GCC2: variants seen among roughly 807,000 people sequenced by gnomAD.
The protein encoded by GCC2 is GRIP and coiled-coil domain-containing protein 2.
GCC2 carries 120 observed loss-of-function variants against 210.6 expected under a neutral mutation model. That is an observed-to-expected ratio of 0.57 (90% CI 0.49 to 0.66). The LOEUF (loss-of-function observed/expected upper bound fraction) is 0.66, where lower values mean the gene tolerates loss of function less well. Ranked by LOEUF, GCC2 falls within the 30% of genes least tolerant of loss-of-function variation. The pLI is 0.00. For synonymous variants in GCC2, 703 were observed against 652.7 expected, an observed-to-expected ratio of 1.08 and a Z score of -1.17; for missense variants, 1,868 against 1,871.9, an observed-to-expected ratio of 1.00 and a Z score of 0.04.
chr2:108,469,489 C>A (rs1043299488), intron 5 of GCC2, 162 bp from the exon 6 acceptor site: 2 of 551,288 alleles, frequency 3.6e-6, no homozygotes, highest in Admixed American at 7.2e-5. Flanking sequence ...AGATAGGCAG[C>A]ACCTAAGGAG....
intron 4 of GCC2, among the ~76,000 whole-genome samples, chr2:108,459,045 G>A (rs567806582): frequency 5.9e-5 from 9 of 152,142 alleles, no homozygotes; most frequent in Admixed American, 2.0e-4. Context: ...GGATGTAGGC[G>A]TTTATTGCCA....
At chr2:108,497,239 C>G in intron 21 of GCC2, 130 bp downstream of exon 21, 1 of 1,484,016 alleles carries the variant, frequency 6.7e-7, no homozygotes, top group South Asian at 1.2e-5. Context: ...GCCTCAGCCT[C>G]CCGAGTAGCT....
At position 108,470,276 on chromosome 2, in the gene GCC2, G is replaced by A. The variant is rs535556399; in HGVS notation, c.947G>A (p.Cys316Tyr). ...TSNANQDNQI[C>Y]SILLQENTFV... is the part of the protein sequence containing the mutation. Reference sequence around the variant, plus strand: ...AATGCAAACCAAGACAATCAGATATGTTCTATTCTCTTGCAAGAAAATACA... The same window carrying A: ...AATGCAAACCAAGACAATCAGATATATTCTATTCTCTTGCAAGAAAATACA... The change falls in exon 6 of 23, where the codon TGT becomes TAT. Residue 316 changes from cysteine (C) to tyrosine (Y), a missense_variant. Physicochemically the swap from Cys to Tyr is radical, Grantham distance 194 (BLOSUM62 -2). Transcript: ENST00000309863. 5 of 1,613,406 alleles carry A rather than the reference G, an allele frequency of 3.1e-6. No homozygotes were observed. The Admixed American group carries it at 8.3e-5, about 27-fold the overall frequency.
chr2:108,487,662 A>C (rs757927642), intron 16 of GCC2, 37 bp from the exon 17 acceptor site: 3 of 1,567,070 alleles, frequency 1.9e-6, no homozygotes, highest in South Asian at 1.2e-5. Flanking sequence ...GGACCCTGTT[A>C]CAGTAGAAAA....
At chr2:108,462,336 A>T (rs1217903475) in intron 4 of GCC2, among the ~76,000 whole-genome samples, 29 of 142,812 alleles carry the variant, frequency 2.0e-4, no homozygotes, top group Admixed American at 1.5e-3. Flanking sequence ...ACTAAAAAAT[A>T]AAAAAAAATT....
intron 2 of GCC2, among the ~76,000 whole-genome samples, chr2:108,450,211 A>T (rs1160383538): frequency 1.3e-5 from 2 of 152,236 alleles, no homozygotes; most frequent in Non-Finnish European, 2.9e-5. Context: ...TGAGATAGGT[A>T]CTGTTGTTAC....
At chr2:108,449,536 A>G in intron 1 of GCC2, 97 bp from the exon 2 acceptor site, 1 of 1,343,984 alleles carries the variant, frequency 7.4e-7, no homozygotes, top group Non-Finnish European at 1.1e-6. Flanking sequence ...CCACCACTTG[A>G]TTCCATAGAA....
Position 108,477,165 on chromosome 2 carries a change from TGAAAA to T in GCC2, c.3060+1321_3060+1325del, listed in dbSNP as rs778424590. 1.2e-4 allele frequency among the ~76,000 whole-genome samples: 18 copies of T among 152,046 alleles called. No individual in the cohort carries two copies. In the South Asian group the frequency reaches 1.9e-3, roughly 16 times the overall value. ...AAGAGTAGCTAAATTTTTTTTTAAATGAAAAGAAAAAAGTGACATCCTACTCAAAG... is the reference window on the plus strand; with the variant it reads ...AAGAGTAGCTAAATTTTTTTTTAAATGAAAAAAGTGACATCCTACTCAAAG... On this transcript the variant is annotated intron_variant, in intron 9 of 22. Transcript: ENST00000309863.
chr2:108,493,379 C>T (rs147137160), intron 19 of GCC2: 8 of 955,400 alleles, frequency 8.4e-6, no homozygotes, highest in African/African-American at 5.3e-5. Context: ...TGAGCCACTG[C>T]GCCTGGCCGA....
intron 11 of GCC2, among the ~76,000 whole-genome samples, 187 bp downstream of exon 11, chr2:108,482,638 A>C (rs1261780531): frequency 6.6e-6 from 1 of 152,162 alleles, no homozygotes; most frequent in African/African-American, 2.4e-5. Context: ...TAAACATTGA[A>C]ATATTACCAA....
In GCC2 at chr2:108,481,825, T is replaced by C. The variant is rs1312863967; in HGVS notation, c.3180+9T>C. On this transcript the variant is annotated intron_variant, in intron 10 of 22. Coordinates refer to ENST00000309863, the MANE Select transcript of GCC2 (RefSeq NM_181453.4). ...GAAATTCGACTTTGCAGGTAATTTTTTAATAAATCCAAAAATGAAAACTAT... is the reference window on the plus strand; with the variant it reads ...GAAATTCGACTTTGCAGGTAATTTTCTAATAAATCCAAAAATGAAAACTAT... The C allele has an allele frequency of 1.9e-6, 3 of 1,542,020 alleles. No homozygotes were observed. Among genetic ancestry groups the C allele is most frequent in the African/African-American group, 1.4e-5 (1 of 71,672 alleles).
At chr2:108,491,862 A>G (rs1478086520) in intron 18 of GCC2, among the ~76,000 whole-genome samples, 3 of 152,020 alleles carry the variant, frequency 2.0e-5, no homozygotes, top group African/African-American at 7.2e-5. Flanking sequence ...CCCAAATTGT[A>G]GGCCCACTGG....
In GCC2 at chr2:108,479,300, G is replaced by A. The variant is rs1314203272; in HGVS notation, c.3061-2397G>A. 2.6e-5 allele frequency among the ~76,000 whole-genome samples: 4 copies of A among 152,182 alleles called. No homozygotes were observed. In the East Asian group the frequency reaches 7.7e-4, roughly 29 times the overall value. ...CCAGTTGAGTCAAATAATTGACCAT[G>A]TGTAAATGAGAATTAGAAACAAAAG... On this transcript the variant is annotated intron_variant, in intron 9 of 22. Coordinates refer to ENST00000309863, the MANE Select transcript of GCC2 (RefSeq NM_181453.4).
intron 3 of GCC2, 110 bp downstream of exon 3, chr2:108,451,222 C>T (rs963177698): frequency 6.0e-6 from 4 of 662,252 alleles, no homozygotes; most frequent in East Asian, 2.8e-5. Flanking sequence ...CCAGTGATTC[C>T]AAGTACACCT....
At chr2:108,488,764 T>A (rs1682267619) in intron 17 of GCC2, among the ~76,000 whole-genome samples, 1 of 152,218 alleles carries the variant, frequency 6.6e-6, no homozygotes, top group South Asian at 2.1e-4. Flanking sequence ...CAGTTTTACA[T>A]CTGGCTCTTA....
intron 15 of GCC2, 44 bp downstream of exon 15, chr2:108,485,952 T>C (rs757143193): frequency 2.2e-6 from 2 of 926,664 alleles, no homozygotes; most frequent in Non-Finnish European, 1.7e-6. Flanking sequence ...TTTTTTCATG[T>C]AGAAGTGAGG....
At chr2:108,492,888 G>C in intron 19 of GCC2, 98 bp downstream of exon 19, 4 of 865,018 alleles carry the variant, frequency 4.6e-6, no homozygotes, top group Non-Finnish European at 7.5e-6. Flanking sequence ...AAATTTACTA[G>C]GTGTCACCAG....
chr2:108,482,957 G>T (rs1305451421), intron 11 of GCC2, 105 bp from the exon 12 acceptor site: 2 of 662,100 alleles, frequency 3.0e-6, no homozygotes, highest in Non-Finnish European at 5.5e-6. Flanking sequence ...TGGGATTACA[G>T]GTGTGAGACA....
At chr2:108,466,629 C>T (rs1344030860) in intron 4 of GCC2, among the ~76,000 whole-genome samples, 1 of 152,002 alleles carries the variant, frequency 6.6e-6, no homozygotes, top group East Asian at 1.9e-4. Flanking sequence ...CCCACCACCA[C>T]ACCTGACTAA....
Sources: gnomAD v4.1 joint callset for allele counts (sites outside exome capture counted in the v4.1 genomes callset) on GRCh38, gnomAD v4.1.1 for gene constraint, MANE v1.5 for transcripts, NCBI Gene and HGNC (gene_info 2026-07-23, HGNC 2026-07-21) for gene names.